Variants in ARL5A observed in about 807,000 individuals in gnomAD.
ARL5A encodes the protein ARF like GTPase 5A.
In ARL5A, 18 loss-of-function variants were observed where a neutral mutation model predicts 25.9. The ratio of observed to expected loss-of-function variants is 0.69; its 90% CI spans 0.48 to 1.03. The LOEUF (loss-of-function observed/expected upper bound fraction) is 1.03. ARL5A is among the 50% of genes least tolerant of loss of function. The pLI is 0.00. For synonymous variants in ARL5A, 61 were observed against 67.5 expected, an observed-to-expected ratio of 0.90 and a Z score of 0.47; for missense variants, 170 against 211.9, an observed-to-expected ratio of 0.80 and a Z score of 1.23.
intron 1 of ARL5A, among the ~76,000 whole-genome samples, chr2:151,815,752 C>A (rs974026530): frequency 6.6e-6 from 1 of 152,170 alleles, no homozygotes; most frequent in African/African-American, 2.4e-5. Context: ...CTCCCTCCCC[C>A]CATTTGGCTT....
rs373692585 is a variant in ARL5A at position 151,809,935 on chromosome 2, T to C, written c.339+2422A>G. Among the ~76,000 whole-genome samples, 20 of 152,110 alleles carry C rather than the reference T, an allele frequency of 1.3e-4. No individual in the cohort carries two copies. In the East Asian group the frequency reaches 2.9e-3, roughly 22 times the overall value. Reference sequence around the variant, plus strand: ...CGTCTCTACTAAAAATATAAAAAAATTAGCTGGCGTGGTGGTGGGCGCCTG... The same window carrying C: ...CGTCTCTACTAAAAATATAAAAAAACTAGCTGGCGTGGTGGTGGGCGCCTG... On this transcript the variant is annotated intron_variant, in intron 4 of 5. Transcript: ENST00000295087.
intron 1 of ARL5A, among the ~76,000 whole-genome samples, chr2:151,825,635 TGTTCTCGAGGG>T (rs2099832948): frequency 6.6e-6 from 1 of 152,158 alleles, no homozygotes; most frequent in Admixed American, 6.5e-5. Context: ...CTGAAAAAGC[TGTTCTCGAGGG>T]GTTTCAGAAA....
intron 4 of ARL5A, chr2:151,810,662 C>A (rs899326794): frequency 1.5e-5 from 5 of 343,104 alleles, no homozygotes; most frequent in African/African-American, 6.6e-5. Context: ...TGTAGTCACC[C>A]ATAACAGATA....
At chr2:151,815,225 T>A in intron 1 of ARL5A, 26 bp from the exon 2 acceptor site, 1 of 1,566,368 alleles carries the variant, frequency 6.4e-7, no homozygotes, top group South Asian at 1.2e-5. Context: ...CACCAGTGAT[T>A]TTTTTTCAAA....
chr2:151,814,192 T>C lies in ARL5A; in HGVS notation c.232A>G (p.Asn78Asp), dbSNP rs755036544. 6.7e-5 allele frequency: 108 copies of C among 1,604,064 alleles called. No individual in the cohort carries two copies. Among genetic ancestry groups the C allele is most frequent in the Non-Finnish European group, 8.5e-5 (100 of 1,177,318 alleles). The change falls in exon 3 of 6, where the codon AAC (asparagine) becomes GAC (aspartate). Residue 78 changes from asparagine (N) to aspartate (D), a missense_variant. Physicochemically the swap from Asn to Asp is conservative, Grantham distance 23. Coordinates refer to ENST00000295087, the MANE Select transcript of ARL5A (RefSeq NM_012097.4). ...ACCTCTGTGTTAGTATAGTAAGTGT[T>C]CCAGGAAGAACGAAGAGATTCTTGG... ...GGQESLRSSW[N>D]TYYTNTEFVI...
At chr2:151,817,707 G>T (rs928906695) in intron 1 of ARL5A, among the ~76,000 whole-genome samples, 14 of 152,180 alleles carry the variant, frequency 9.2e-5, no homozygotes, top group African/African-American at 3.4e-4. Flanking sequence ...ATAATTTAAA[G>T]ACCTAGGGCC....
intron 1 of ARL5A, chr2:151,827,846 G>A (rs2099833295): frequency 2.2e-6 from 1 of 464,866 alleles, no homozygotes; most frequent in Non-Finnish European, 3.8e-6. Context: ...CGGACCTAGG[G>A]CAAGAAACCT....
chr2:151,814,062 G>A lies in ARL5A; in HGVS notation c.255+107C>T, dbSNP rs2099831182. The A allele has an allele frequency of 4.4e-5, 46 of 1,054,210 alleles. 2 individuals carry two copies. In the South Asian group the frequency reaches 5.9e-4, roughly 14 times the overall value. The allele number at this position is 1,054,210 out of a possible 1,614,324, so 65.3% of individuals were successfully genotyped here. On this transcript the variant is annotated intron_variant, in intron 3 of 5. Transcript: ENST00000295087. ...ATTTTACTCTGCTTAAACTCTCTAT[G>A]TATTAACATACTGTGATATTTCAAA... is the stretch of plus-strand genomic sequence containing the variant.
intron 4 of ARL5A, among the ~76,000 whole-genome samples, chr2:151,811,737 A>C (rs957933606): frequency 6.6e-6 from 1 of 151,810 alleles, no homozygotes; most frequent in Non-Finnish European, 1.5e-5. Flanking sequence ...ACACCTGGCT[A>C]ATTTTGTTTA....
At position 151,814,284 on chromosome 2, in the gene ARL5A, G is replaced by T. The variant is rs1180940820; in HGVS notation, c.140C>A (p.Thr47Lys). Residue 47 changes from threonine to lysine, a missense_variant, in exon 3 of 6, where the codon ACA becomes AAA. Coordinates refer to ENST00000295087, the MANE Select transcript of ARL5A (RefSeq NM_012097.4). ...SMNEVVHTSP[T>K]IGSNVEEIVI... is the part of the protein sequence containing the mutation. ...TATCTCTTCTACATTACTTCCTATT[G>T]TAGGAGATGTATGTACAACTTCATT... 1 of 1,588,694 alleles carries T rather than the reference G, an allele frequency of 6.3e-7. No individual in the cohort carries two copies. The highest frequency in any genetic ancestry group is 8.5e-7 in the Non-Finnish European group (1 of 1,170,222).
intron 4 of ARL5A, among the ~76,000 whole-genome samples, chr2:151,809,312 T>C (rs943660444): frequency 6.6e-6 from 1 of 152,224 alleles, no homozygotes; most frequent in Non-Finnish European, 1.5e-5. Flanking sequence ...GATGAAATTA[T>C]TTGTAGAAGC....
In ARL5A at chr2:151,799,140, A is replaced by G. The variant is rs1402406565; in HGVS notation, c.*4136T>C. On this transcript the variant is annotated 3_prime_UTR_variant, in exon 6 of 6. Transcript: ENST00000295087. ...TCATGGTCTTAAAATAATCTATCGC[A>G]CATTCTTTGAGGGAGCATGATATAC... The G allele has an allele frequency of 6.6e-6, 1 of 152,170 alleles. No homozygotes were observed. The highest frequency in any genetic ancestry group is 1.5e-5 in the Non-Finnish European group (1 of 68,026). 9.4% of individuals were successfully genotyped at this position (152,170 alleles called of 1,614,324 possible).
chr2:151,808,045 T>TC (rs1472076192), intron 4 of ARL5A, among the ~76,000 whole-genome samples: 1 of 152,122 alleles, frequency 6.6e-6, no homozygotes, highest in Non-Finnish European at 1.5e-5. Flanking sequence ...CACAGATCTT[T>TC]CCCCCCAAAA....
At chr2:151,814,113 T>C in intron 3 of ARL5A, 56 bp downstream of exon 3, 1 of 1,449,726 alleles carries the variant, frequency 6.9e-7, no homozygotes. Context: ...GACTCAAATC[T>C]AGATGTTTTC....
rs2099829242 is a variant in ARL5A at position 151,800,322 on chromosome 2, C to T, written c.*2954G>A. The stretch of plus-strand genomic sequence containing the variant: ...GGCATCTTAATACTATATGCTGAGA[C>T]AAAAAGGAAAACAATGTCAGGGACT... On this transcript the variant is annotated 3_prime_UTR_variant, in exon 6 of 6. Coordinates refer to ENST00000295087, the MANE Select transcript of ARL5A (RefSeq NM_012097.4). 1 of 152,106 alleles carries T rather than the reference C, an allele frequency of 6.6e-6. No homozygotes were observed. Among genetic ancestry groups the T allele is most frequent in the Non-Finnish European group, 1.5e-5 (1 of 68,008 alleles). 9.4% of individuals were successfully genotyped at this position (152,106 alleles called of 1,614,324 possible). A position where few individuals can be genotyped will look rare whatever the true frequency, so the allele number is the denominator to read the frequency against.
intron 1 of ARL5A, among the ~76,000 whole-genome samples, chr2:151,826,928 C>CTGTGTGTG (rs202078189): frequency 0.012 from 1,807 of 150,872 alleles, 38 homozygotes; most frequent in African/African-American, 0.042. Context: ...ACCTACACAT[C>CTGTGTGTG]TGTGTGTGTG....
At chr2:151,827,713 G>C (rs1208240615) in intron 1 of ARL5A, 1 of 175,434 alleles carries the variant, frequency 5.7e-6, no homozygotes, top group Non-Finnish European at 1.2e-5. Context: ...CAGTGGTGCG[G>C]TTAGGGCAGC....
intron 1 of ARL5A, among the ~76,000 whole-genome samples, chr2:151,825,315 T>A (rs371662842): frequency 3.9e-5 from 6 of 152,194 alleles, no homozygotes; most frequent in African/African-American, 1.4e-4. Flanking sequence ...GAGGGAAAAA[T>A]GATGTCAATC....
chr2:151,806,811 G>C lies in ARL5A; in HGVS notation c.491+10C>G, dbSNP rs776813786. 1 of 1,590,200 alleles carries C rather than the reference G, an allele frequency of 6.3e-7. No individual in the cohort carries two copies. The highest frequency in any genetic ancestry group is 2.2e-5 in the East Asian group (1 of 44,700). On this transcript the variant is annotated intron_variant, in intron 5 of 5. Coordinates refer to ENST00000295087, the MANE Select transcript of ARL5A (RefSeq NM_012097.4). ...AATGTTCGATAACATTTAAGAGGAA[G>C]ATGTCTTACCCCTCGCCAGTTAGAG...
Sources: allele counts gnomAD v4.1 joint callset (sites outside exome capture counted in the v4.1 genomes callset), GRCh38; gene constraint gnomAD v4.1.1; transcripts MANE v1.5; gene names NCBI Gene and HGNC (gene_info 2026-07-23, HGNC 2026-07-21).